Variants in DOCK10 observed in about 807,000 individuals in gnomAD.
DOCK10 encodes the protein dedicator of cytokinesis 10, also known as dedicator of cytokinesis protein 10.
Under a neutral mutation model 280.1 loss-of-function variants are expected in DOCK10, and 145 were observed. The ratio of observed to expected loss-of-function variants is 0.52; its 90% CI spans 0.45 to 0.59. The LOEUF is 0.59. DOCK10 is among the 20% of genes least tolerant of loss of function. The pLI, the probability that DOCK10 is intolerant of heterozygous loss-of-function variation, is 0.00. For missense variants in DOCK10, 2,368 were observed against 2,651.7 expected (o/e 0.89, Z 2.35); for synonymous variants, 915 against 942.2 (o/e 0.97, Z 0.53).
chr2:224,985,037 T>G (rs1479730966), intron 1 of DOCK10, among the ~76,000 whole-genome samples: 1 of 152,008 alleles, frequency 6.6e-6, no homozygotes, highest in East Asian at 1.9e-4. Flanking sequence ...TATTTTAAGA[T>G]TAGGTATAAA....
chr2:224,949,215 A>G (rs373960773), intron 1 of DOCK10, among the ~76,000 whole-genome samples: 1 of 152,182 alleles, frequency 6.6e-6, no homozygotes. Flanking sequence ...CAACCATTCT[A>G]TGAGACACTC....
intron 1 of DOCK10, among the ~76,000 whole-genome samples, chr2:224,957,994 G>A (rs1704151874): frequency 6.6e-6 from 1 of 152,226 alleles, no homozygotes; most frequent in Non-Finnish European, 1.5e-5. Flanking sequence ...GTTGGCCACT[G>A]TGGGTAAGAC....
chr2:225,026,949 A>C (rs866821449), intron 1 of DOCK10, among the ~76,000 whole-genome samples: 13 of 152,208 alleles, frequency 8.5e-5, no homozygotes, highest in African/African-American at 2.9e-4. Flanking sequence ...TTTTTGAATC[A>C]AATGCCTGTG....
At chr2:224,889,207 G>C (rs1699512719) in intron 4 of DOCK10, among the ~76,000 whole-genome samples, 1 of 152,218 alleles carries the variant, frequency 6.6e-6, no homozygotes, top group African/African-American at 2.4e-5. Context: ...CTCCAGATAG[G>C]AAGGTGAATG....
Position 224,837,831 on chromosome 2 carries a change from C to A in DOCK10, c.2781G>T (p.Arg927Ser). 6.2e-7 allele frequency: 1 copy of A among 1,613,738 alleles called. No individual in the cohort carries two copies. Among genetic ancestry groups the A allele is most frequent in the Non-Finnish European group, 8.5e-7 (1 of 1,179,786 alleles). Reference protein sequence around the residue: ...EEDEITTTVTRVLTDIVAKCH... With the variant: ...EEDEITTTVTSVLTDIVAKCH... ...ACTTGGCCACAATGTCGGTCAGAAC[C>A]CTGCAAAAGCAAAGCTGTTCAGTGG... The change falls in exon 25 of 56, where the codon AGG becomes AGT. Residue 927 changes from arginine (R) to serine (S), a missense_variant and splice_region_variant. This residue lies in a region of DOCK10 where 1,209 missense variants were observed against 1,250.9 expected (regional missense o/e 0.97). Coordinates refer to ENST00000258390, the MANE Select transcript of DOCK10 (RefSeq NM_014689.3).
At chr2:224,828,193 C>A (rs976718909) in intron 27 of DOCK10, among the ~76,000 whole-genome samples, 2 of 152,140 alleles carry the variant, frequency 1.3e-5, no homozygotes, top group Non-Finnish European at 2.9e-5. Flanking sequence ...CCCAAAGAGG[C>A]TATAAAAATT....
chr2:224,805,213 A>T lies in DOCK10; in HGVS notation c.4044T>A (p.Ile1348=). The T allele has an allele frequency of 5.6e-6, 9 of 1,609,538 alleles. No homozygotes were observed. The highest frequency in any genetic ancestry group is 7.6e-6 in the Non-Finnish European group (9 of 1,178,414). ...TTAAAGAATTCTCTTTACCGTACGA[A>T]ATCGTTTTCATAATGTGAAGAAAAC... The part of the protein sequence containing the change: ...LMCFLHIMKT[I]SYETLIAYWQ... Residue 1348 remains isoleucine (I), a synonymous_variant, in exon 36 of 56, where the codon ATT becomes ATA. Transcript: ENST00000258390. This position sits in a 1 kb window ranked among gnomAD's most constrained non-coding sequence, Gnocchi z 4.3.
intron 1 of DOCK10, among the ~76,000 whole-genome samples, chr2:224,979,560 T>C (rs1705635740): frequency 6.6e-6 from 1 of 152,240 alleles, no homozygotes; most frequent in South Asian, 2.1e-4. Context: ...CTGGACACAC[T>C]GGCCTCCTTT....
chr2:224,793,004 T>A lies in DOCK10; in HGVS notation c.5281A>T (p.Asn1761Tyr). ...LSEDTHPCDS[N>Y]SLLTTPSGGS... is the part of the protein sequence containing the mutation. ...CCACTGGGAGTTGTTAGTAATGAGT[T>A]GCTATCACAGGGGTGGGTATCCTCC... Residue 1761 changes from asparagine (N) to tyrosine (Y), a missense_variant, in exon 47 of 56, where the codon AAC becomes TAC. Physicochemically the swap from Asn to Tyr is moderately radical, Grantham distance 143 (BLOSUM62 -2). Transcript: ENST00000258390. The A allele has an allele frequency of 1.9e-6, 3 of 1,613,854 alleles. No individual in the cohort carries two copies. The highest frequency in any genetic ancestry group is 2.5e-6 in the Non-Finnish European group (3 of 1,179,776).
At chr2:224,954,408 T>C (rs1055690590) in intron 1 of DOCK10, among the ~76,000 whole-genome samples, 1 of 152,242 alleles carries the variant, frequency 6.6e-6, no homozygotes, top group Non-Finnish European at 1.5e-5. Context: ...TAGGGTTTAT[T>C]ATTTTCTGAA....
At chr2:224,796,756 A>G (rs1692607565) in intron 43 of DOCK10, among the ~76,000 whole-genome samples, 1 of 152,136 alleles carries the variant, frequency 6.6e-6, no homozygotes, top group East Asian at 1.9e-4. Flanking sequence ...GGCAGAAGAA[A>G]GGAAAGTACA....
intron 1 of DOCK10, among the ~76,000 whole-genome samples, chr2:225,035,565 TATATATATATA>T (rs1324288096): frequency 0.011 from 584 of 54,874 alleles, 32 homozygotes; most frequent in South Asian, 0.019. Context: ...TATATATATA[TATATATATATA>T]TATATATATA....
intron 51 of DOCK10, 87 bp from the exon 52 acceptor site, chr2:224,775,202 AG>A (rs772944602): frequency 2.1e-4 from 258 of 1,245,760 alleles, no homozygotes; most frequent in Non-Finnish European, 2.9e-4. Context: ...GCTTGCATCC[AG>A]AGGAGGCTGT....
At chr2:225,011,943 G>A (rs948422888) in intron 1 of DOCK10, among the ~76,000 whole-genome samples, 2 of 152,074 alleles carry the variant, frequency 1.3e-5, no homozygotes, top group African/African-American at 4.8e-5. Context: ...AATTAAAAAC[G>A]AGCTCACATG....
chr2:224,949,255 T>C (rs1703598167), intron 1 of DOCK10, among the ~76,000 whole-genome samples: 1 of 152,222 alleles, frequency 6.6e-6, no homozygotes, highest in Non-Finnish European at 1.5e-5. Flanking sequence ...TCTTTTCTGC[T>C]TTAGTTTTAG....
Position 224,906,548 on chromosome 2 carries a change from A to G in DOCK10, c.333+10147T>C, listed in dbSNP as rs543187079. Among the ~76,000 whole-genome samples the G allele has an allele frequency of 1.6e-4, 24 of 152,212 alleles. No homozygotes were observed. In the South Asian group the frequency reaches 2.7e-3, roughly 17 times the overall value. ...TGCTGGAGTGCAGTAGTGTGATCTC[A>G]GCTCACTGCAAGCTCCACCTCCTGG... On this transcript the variant is annotated intron_variant, in intron 3 of 55. Transcript: ENST00000258390.
At chr2:224,883,836 G>A (rs558671637) in intron 7 of DOCK10, among the ~76,000 whole-genome samples, 3 of 152,276 alleles carry the variant, frequency 2.0e-5, no homozygotes, top group Middle Eastern at 3.4e-3. Context: ...GAAAAATATT[G>A]CATATTAACC....
intron 1 of DOCK10, among the ~76,000 whole-genome samples, chr2:225,021,380 G>T (rs73075740): frequency 0.054 from 8,262 of 152,126 alleles, 741 homozygotes; most frequent in African/African-American, 0.19. Flanking sequence ...CCCAGTCTAT[G>T]GTTCTACCCA....
At chr2:224,918,486 G>A (rs1352884378) in intron 2 of DOCK10, among the ~76,000 whole-genome samples, 8 of 149,204 alleles carry the variant, frequency 5.4e-5, no homozygotes, top group African/African-American at 9.8e-5. Context: ...TTTGTGGTGC[G>A]GTGTGTGTGT....
Sources: allele counts gnomAD v4.1 joint callset (sites outside exome capture counted in the v4.1 genomes callset), GRCh38; gene constraint gnomAD v4.1.1; regional missense constraint gnomAD v4.1.1; non-coding constraint Gnocchi (gnomAD v3.1); transcripts MANE v1.5; gene names NCBI Gene and HGNC (gene_info 2026-07-23, HGNC 2026-07-21).